The following ESR2 variants were observed in gnomAD, a reference collection of about 807,000 sequenced individuals.
ESR2 encodes the protein estrogen receptor beta.
Under a neutral mutation model 49.6 loss-of-function variants are expected in ESR2, and 36 were observed. The ratio of observed to expected loss-of-function variants is 0.73; its 90% CI spans 0.56 to 0.96. The LOEUF (loss-of-function observed/expected upper bound fraction) is 0.96, where lower values mean the gene tolerates loss of function less well. ESR2 is among the 40% of genes least tolerant of loss of function. ESR2 has a pLI of 0.00. For missense variants in ESR2, 714 were observed against 693.0 expected, an observed-to-expected ratio of 1.03 and a Z score of -0.34; for synonymous variants, 320 against 266.1, an observed-to-expected ratio of 1.20 and a Z score of -1.97.
downstream of ESR2, chr14:64,228,044 A>T (rs2098723541): frequency 7.0e-7 from 1 of 1,428,646 alleles, no homozygotes; most frequent in Non-Finnish European, 9.1e-7. Context: ...TATACACAGG[A>T]CCTGTGGTCA....
At chr14:64,237,400 C>T (rs1315059320) in intron 7 of ESR2, among the ~76,000 whole-genome samples, 1 of 152,122 alleles carries the variant, frequency 6.6e-6, no homozygotes, top group African/African-American at 2.4e-5. Flanking sequence ...AAAATTAACC[C>T]CATCTGCATA....
chr14:64,233,933 T>G (rs944068313), intron 8 of ESR2: 6 of 152,718 alleles, frequency 3.9e-5, no homozygotes, highest in African/African-American at 1.4e-4. Flanking sequence ...AGCACAAAAA[T>G]GTAAAACCAT....
In ESR2 at chr14:64,260,624, C is replaced by A. The variant is rs989693975; in HGVS notation, c.777G>T (p.Leu259=). 2 of 1,610,548 alleles carry A rather than the reference C, an allele frequency of 1.2e-6. No individual in the cohort carries two copies. The highest frequency in any genetic ancestry group is 1.3e-5 in the African/African-American group (1 of 74,824). The change falls in exon 5 of 9, where the codon CTG becomes CTT. Residue 259 remains leucine (L), a synonymous_variant. Transcript: ENST00000341099. ...GCTGCTCGGGGCTCAGGGCGTCCAG[C>A]AGCAGCTCCCGCACTCGGGGCGCGT... ...GGHAPRVREL[L]LDALSPEQLV...
intron 4 of ESR2, among the ~76,000 whole-genome samples, chr14:64,264,891 A>G (rs1400886439): frequency 7.1e-6 from 1 of 140,480 alleles, no homozygotes; most frequent in East Asian, 2.0e-4. Context: ...AAAAAAAAAG[A>G]AAAAAAAAAA....
At chr14:64,307,654 C>G (rs1434272059) in intron 1 of ESR2, among the ~76,000 whole-genome samples, 2 of 152,308 alleles carry the variant, frequency 1.3e-5, no homozygotes, top group South Asian at 4.1e-4. Flanking sequence ...CCTGCCTCAG[C>G]CTCCTGAGTA....
intron 1 of ESR2, among the ~76,000 whole-genome samples, chr14:64,324,591 T>C (rs2077366861): frequency 6.6e-6 from 1 of 152,204 alleles, no homozygotes; most frequent in Admixed American, 6.5e-5. Context: ...TTGTTCCCTA[T>C]ACTTTTCTTC....
Position 64,282,976 on chromosome 14 carries a change from TTATATC to T in ESR2, c.4_9del (p.Asp2_Ile3del). The T allele has an allele frequency of 1.2e-6, 2 of 1,612,146 alleles. No homozygotes were observed. Among genetic ancestry groups the T allele is most frequent in the Non-Finnish European group, 1.7e-6 (2 of 1,178,700 alleles). ...GAATTAAGGCTAGATGGTGAGTTTTTTATATCCATGTCTTGAGATAACAGCTGAGAA... is the reference window on the plus strand; with the variant it reads ...GAATTAAGGCTAGATGGTGAGTTTTTCATGTCTTGAGATAACAGCTGAGAA... On this transcript the variant is annotated inframe_deletion, in exon 2 of 9. Transcript: ENST00000341099.
intron 1 of ESR2, among the ~76,000 whole-genome samples, chr14:64,291,690 C>CT (rs2076873332): frequency 6.6e-6 from 1 of 152,124 alleles, no homozygotes; most frequent in Non-Finnish European, 1.5e-5. Flanking sequence ...GACATGAGCA[C>CT]AGAAATTTAA....
intron 7 of ESR2, among the ~76,000 whole-genome samples, chr14:64,235,788 A>T (rs920815962): frequency 7.2e-5 from 11 of 152,276 alleles, no homozygotes; most frequent in Non-Finnish European, 1.3e-4. Context: ...GCAGGAACAC[A>T]TCTGCTTAGG....
chr14:64,337,921 T>C (rs1394680402), exon 1 of ESR2: 1 of 152,462 alleles, frequency 6.6e-6, no homozygotes, highest in Non-Finnish European at 1.5e-5. Flanking sequence ...TTGGGATGAC[T>C]GTAACCTGAG....
chr14:64,227,986 T>TA (rs2098723392), downstream of ESR2: 1 of 1,569,290 alleles, frequency 6.4e-7, no homozygotes, highest in Non-Finnish European at 8.6e-7. Flanking sequence ...TCTATCCAAA[T>TA]AATCGATGCA....
intron 1 of ESR2, among the ~76,000 whole-genome samples, chr14:64,305,657 C>T (rs896604357): frequency 6.6e-6 from 1 of 151,308 alleles, no homozygotes; most frequent in Admixed American, 6.6e-5. Flanking sequence ...GGCAACACAG[C>T]GAGACTCTGT....
intron 1 of ESR2, among the ~76,000 whole-genome samples, chr14:64,292,387 G>A (rs777679433): frequency 4.6e-5 from 7 of 152,142 alleles, no homozygotes; most frequent in Non-Finnish European, 8.8e-5. Context: ...TCATGTGTGC[G>A]GTGCTGGTTA....
intron 2 of ESR2, among the ~76,000 whole-genome samples, chr14:64,281,456 A>C (rs374533331): frequency 2.0e-5 from 3 of 152,332 alleles, no homozygotes; most frequent in Non-Finnish European, 2.9e-5. Context: ...GGAGAAAAAA[A>C]AAACAAACCA....
chr14:64,302,183 TATTTA>T lies in ESR2; in HGVS notation c.-90-19113_-90-19109del, dbSNP rs1567790307. The stretch of plus-strand genomic sequence containing the variant: ...ATTTTTATTTATTTATTTATTTATT[TATTTA>T]TTTATTTATTTATTTTTTGAGACAG... On this transcript the variant is annotated intron_variant, in intron 1 of 8. Coordinates refer to the ESR2 transcript ENST00000358599. Among the ~76,000 whole-genome samples, 11 of 149,736 alleles carry T rather than the reference TATTTA, an allele frequency of 7.3e-5. No homozygotes were observed. In the East Asian group the frequency reaches 1.4e-3, roughly 19 times the overall value.
Position 64,233,320 on chromosome 14 carries a change from G to A in ESR2, c.1410C>T (p.Asn470=), listed in dbSNP as rs1401661918. The change falls in exon 9 of 9, where the codon AAC becomes AAT. Residue 470 remains asparagine, a synonymous_variant. Coordinates refer to ENST00000341099, the MANE Select transcript of ESR2 (RefSeq NM_001437.3). ...TGTTGAGCAGATGTTCCATGCCCTT[G>A]TTACTATGGGGACAAAAAGGTGCTG... The part of the protein sequence containing the change: ...MLLSHVRHAS[N]KGMEHLLNMK... The A allele has an allele frequency of 6.2e-7, 1 of 1,609,228 alleles. No homozygotes were observed. The highest frequency in any genetic ancestry group is 8.5e-7 in the Non-Finnish European group (1 of 1,175,946).
At chr14:64,263,724 A>C (rs2076268779) in intron 4 of ESR2, among the ~76,000 whole-genome samples, 1 of 152,192 alleles carries the variant, frequency 6.6e-6, no homozygotes, top group Non-Finnish European at 1.5e-5. Flanking sequence ...AAAGTAACTG[A>C]AAGAAAAAGA....
chr14:64,295,104 C>T (rs992184705), upstream of ESR2, among the ~76,000 whole-genome samples: 13 of 152,186 alleles, frequency 8.5e-5, no homozygotes, highest in African/African-American at 2.2e-4. Context: ...CCCCAGGGTG[C>T]GAGACTAGGA....
intron 1 of ESR2, among the ~76,000 whole-genome samples, chr14:64,319,662 A>T (rs188347940): frequency 1.3e-5 from 2 of 152,344 alleles, no homozygotes; most frequent in African/African-American, 4.8e-5. Flanking sequence ...GATGGCAAAT[A>T]AGCATATGAA....
Sources: gnomAD v4.1 joint callset for allele counts (sites outside exome capture counted in the v4.1 genomes callset) on GRCh38, gnomAD v4.1.1 for gene constraint, MANE v1.5 for transcripts, NCBI Gene and HGNC (gene_info 2026-07-23, HGNC 2026-07-21) for gene names.